Variants in ATXN7 observed in about 807,000 individuals in gnomAD.
ATXN7 encodes ataxin 7, also known as ataxin-7.
Under a neutral mutation model 70.5 loss-of-function variants are expected in ATXN7, and 12 were observed. That is an observed-to-expected ratio of 0.17 (90% CI 0.11 to 0.28). The LOEUF is 0.28. Among genes scored for constraint, ATXN7 ranks in the 10% least tolerant of loss-of-function variants. ATXN7 has a pLI of 1.00. For synonymous variants in ATXN7, 498 were observed against 448.7 expected (o/e 1.11, Z -1.39); for missense variants, 1,256 against 1,131.7 (o/e 1.11, Z -1.58).
At chr3:63,956,304 G>A (rs763387404) in intron 5 of ATXN7, among the ~76,000 whole-genome samples, 19 of 151,444 alleles carry the variant, frequency 1.3e-4, no homozygotes, top group South Asian at 4.2e-4. Flanking sequence ...GGTGGCGTGC[G>A]CTCCCACTTG....
At chr3:63,871,083 C>T (rs935399341) in intron 1 of ATXN7, among the ~76,000 whole-genome samples, 1 of 152,104 alleles carries the variant, frequency 6.6e-6, no homozygotes, top group South Asian at 2.1e-4. Flanking sequence ...TTTTTTGCTT[C>T]GTTTCCTGCT....
chr3:63,881,179 T>C (rs1011669694), intron 1 of ATXN7, among the ~76,000 whole-genome samples: 1 of 152,162 alleles, frequency 6.6e-6, no homozygotes, highest in Non-Finnish European at 1.5e-5. Flanking sequence ...AGTTTGAAAA[T>C]AGAAAACAGG....
chr3:63,924,990 AAGTATAGT>A (rs1327691247), intron 4 of ATXN7, among the ~76,000 whole-genome samples: 3 of 152,212 alleles, frequency 2.0e-5, no homozygotes, highest in Non-Finnish European at 4.4e-5. Context: ...TGATAATCAC[AAGTATAGT>A]ACCTTGAGTT....
At position 63,877,755 on chromosome 3, in the gene ATXN7, C is replaced by T. The variant is rs1261503321; in HGVS notation, c.-111+13597C>T. On this transcript the variant is annotated intron_variant, in intron 1 of 12. Coordinates refer to ENST00000674280, the MANE Select transcript of ATXN7 (RefSeq NM_001377405.1). ...ATCAGCTCTTATTCAAAAGAATGCC[C>T]GAATATTCACAAATATAGTATCCTT... Among the ~76,000 whole-genome samples the T allele has an allele frequency of 3.3e-5, 5 of 152,136 alleles. No homozygotes were observed. In the East Asian group the frequency reaches 7.7e-4, roughly 23 times the overall value.
At chr3:63,906,509 G>T (rs1336789904) in intron 2 of ATXN7, among the ~76,000 whole-genome samples, 1 of 152,200 alleles carries the variant, frequency 6.6e-6, no homozygotes, top group Non-Finnish European at 1.5e-5. Context: ...AATGCAAACT[G>T]TTGATCTCTG....
At chr3:63,940,517 T>C (rs572035064) in intron 4 of ATXN7, among the ~76,000 whole-genome samples, 16 of 152,326 alleles carry the variant, frequency 1.1e-4, no homozygotes, top group African/African-American at 2.9e-4. Flanking sequence ...AGGAATGGTA[T>C]TCTTAACTGA....
In ATXN7 at chr3:63,965,457, G is replaced by A. The variant is rs185965810; in HGVS notation, c.499+12974G>A. 7.8e-3 allele frequency among the ~76,000 whole-genome samples: 1,193 copies of A among 152,258 alleles called. 6 individuals are homozygous for A. The highest frequency in any genetic ancestry group is 0.01 in the Non-Finnish European group (706 of 68,016). ...TGCGAATAGGCTAATGCACAGTTCA[G>A]AACTCCCTTTGTGCACTAGAGTAAA... On this transcript the variant is annotated intron_variant, in intron 5 of 12. Transcript: ENST00000674280.
At chr3:63,870,640 C>A (rs1029657678) in intron 1 of ATXN7, among the ~76,000 whole-genome samples, 8 of 151,936 alleles carry the variant, frequency 5.3e-5, no homozygotes, top group African/African-American at 1.9e-4. Context: ...ATGATTGGAC[C>A]CTCTCAGATG....
chr3:63,938,432 T>G (rs1378655358), intron 4 of ATXN7, among the ~76,000 whole-genome samples: 6 of 152,182 alleles, frequency 3.9e-5, no homozygotes, highest in Non-Finnish European at 8.8e-5. Flanking sequence ...GGAGTAGAAG[T>G]AATTAACCAG....
At chr3:63,932,192 T>TA (rs1253616559) in intron 4 of ATXN7, among the ~76,000 whole-genome samples, 1 of 152,196 alleles carries the variant, frequency 6.6e-6, no homozygotes, top group Non-Finnish European at 1.5e-5. Context: ...TCAAGGTAAT[T>TA]AAAAAATTTT....
intron 5 of ATXN7, among the ~76,000 whole-genome samples, chr3:63,969,556 CTTTT>C (rs1559650364): frequency 6.6e-6 from 1 of 152,262 alleles, no homozygotes; most frequent in African/African-American, 2.4e-5. Flanking sequence ...TATTCTCTCT[CTTTT>C]TATGTTTTTG....
At position 63,981,861 on chromosome 3, in the gene ATXN7, C is replaced by G. The variant is rs150503825; in HGVS notation, c.753-325C>G. Among the ~76,000 whole-genome samples the G allele has an allele frequency of 3.7e-3, 564 of 152,278 alleles. 10 individuals are homozygous for G. The highest frequency in any genetic ancestry group is 0.023 in the East Asian group (119 of 5,188). On this transcript the variant is annotated intron_variant, in intron 6 of 12. Transcript: ENST00000674280. ...GCAAATAGTCTTTGTTTCTTTTAGACCTTCTCATGTTTTGCTTCTTATAGA... is the reference window on the plus strand; with the variant it reads ...GCAAATAGTCTTTGTTTCTTTTAGAGCTTCTCATGTTTTGCTTCTTATAGA...
chr3:63,930,954 T>C (rs1704929520), intron 4 of ATXN7, among the ~76,000 whole-genome samples: 1 of 152,206 alleles, frequency 6.6e-6, no homozygotes, highest in African/African-American at 2.4e-5. Flanking sequence ...CGCATTGATT[T>C]TGTTAAATAT....
rs759053332 is a variant in ATXN7 at position 63,988,256 on chromosome 3, A to C, written c.1293A>C (p.Gly431=). 6.2e-7 allele frequency: 1 copy of C among 1,614,092 alleles called. No homozygotes were observed. Among genetic ancestry groups the C allele is most frequent in the East Asian group, 2.2e-5 (1 of 44,864 alleles). The change falls in exon 9 of 13, where the codon GGA becomes GGC. Residue 431 remains glycine (G), a synonymous_variant. Coordinates refer to ENST00000674280, the MANE Select transcript of ATXN7 (RefSeq NM_001377405.1). ...TSQEPHQNPH[G]VIPSESKPFV... is the part of the protein sequence containing the mutation. ...AGGAGCCGCACCAAAACCCTCACGG[A>C]GTGATTCCTTCCGAATCAAAGCCTT...
chr3:63,870,638 AC>A (rs762247340), intron 1 of ATXN7, among the ~76,000 whole-genome samples: 1 of 151,608 alleles, frequency 6.6e-6, no homozygotes, highest in East Asian at 1.9e-4. Context: ...TGATGATTGG[AC>A]CCTCTCAGAT....
intron 5 of ATXN7, among the ~76,000 whole-genome samples, chr3:63,974,676 C>T (rs960384715): frequency 1.3e-5 from 2 of 152,134 alleles, no homozygotes; most frequent in African/African-American, 4.8e-5. Flanking sequence ...ATGTAAATCC[C>T]GTAGCATGGT....
chr3:63,877,570 A>T (rs1372990177), intron 1 of ATXN7, among the ~76,000 whole-genome samples: 1 of 152,200 alleles, frequency 6.6e-6, no homozygotes, highest in Non-Finnish European at 1.5e-5. Context: ...ATCTTTTCTT[A>T]GACAACTGTC....
intron 12 of ATXN7, chr3:63,999,134 C>G (rs750541121): frequency 7.1e-5 from 21 of 297,186 alleles, no homozygotes; most frequent in African/African-American, 3.7e-4. Flanking sequence ...ACTGGAATAC[C>G]TTCAAGGACA....
intron 5 of ATXN7, among the ~76,000 whole-genome samples, chr3:63,961,309 T>C (rs1050072835): frequency 3.9e-5 from 6 of 152,352 alleles, no homozygotes; most frequent in African/African-American, 1.4e-4. Flanking sequence ...CTGCCTGTTA[T>C]TCCACTTTAT....
Sources: gnomAD v4.1 joint callset for allele counts (sites outside exome capture counted in the v4.1 genomes callset) on GRCh38, gnomAD v4.1.1 for gene constraint, MANE v1.5 for transcripts, NCBI Gene and HGNC (gene_info 2026-07-23, HGNC 2026-07-21) for gene names.